Variants in DROSHA observed in about 807,000 individuals in gnomAD.
The protein encoded by DROSHA is ribonuclease 3.
DROSHA carries 56 observed loss-of-function variants against 181.9 expected under a neutral mutation model. The observed-to-expected ratio is 0.31, with a 90% CI of 0.25 to 0.38. The LOEUF is 0.38. Among genes scored for constraint, DROSHA ranks in the 10% least tolerant of loss-of-function variants. The pLI, the probability that DROSHA is intolerant of heterozygous loss-of-function variation, is 1.00. For missense variants in DROSHA, 1,218 were observed against 1,743.5 expected (o/e 0.70, Z 5.37); for synonymous variants, 524 against 591.2 (o/e 0.89, Z 1.65).
intron 18 of DROSHA, among the ~76,000 whole-genome samples, chr5:31,466,925 G>C (rs572584926): frequency 1.3e-5 from 2 of 152,260 alleles, no homozygotes; most frequent in South Asian, 4.1e-4. Flanking sequence ...TGGAAATGAA[G>C]CGAATATGCA....
At chr5:31,404,667 T>G (rs1198919563) in intron 35 of DROSHA, among the ~76,000 whole-genome samples, 3 of 152,172 alleles carry the variant, frequency 2.0e-5, no homozygotes, top group Non-Finnish European at 4.4e-5. Context: ...ACTTAAGCCT[T>G]CAGTTTACAA....
At chr5:31,490,884 T>G (rs932393364) in intron 13 of DROSHA, among the ~76,000 whole-genome samples, 4 of 152,196 alleles carry the variant, frequency 2.6e-5, no homozygotes, top group Non-Finnish European at 5.9e-5. Flanking sequence ...TAGAATAAAG[T>G]TCTCACCGAG....
Position 31,526,767 on chromosome 5 carries a change from G to A in DROSHA, c.166C>T (p.Pro56Ser), listed in dbSNP as rs201445638. Residue 56 changes from proline to serine, a missense_variant, in exon 5 of 36, where the codon CCA becomes TCA. This residue lies in a region of DROSHA where 536 missense variants were observed against 535.4 expected (regional missense o/e 1.00). Coordinates refer to ENST00000344624, the MANE Select transcript of DROSHA (RefSeq NM_001382508.1). ...QPPVQYQYEP[P>S]SAPSTTFSNS... ...GAGAAAGTGGTGGAAGGGGCACTTG[G>A]AGGTTCATATTGATATTGCACAGGA... The A allele has an allele frequency of 3.9e-3, 6,307 of 1,597,290 alleles. 15 individuals are homozygous for A. The highest frequency in any genetic ancestry group is 4.6e-3 in the Non-Finnish European group (5,343 of 1,173,626).
chr5:31,501,683 T>C (rs969839199), intron 11 of DROSHA, among the ~76,000 whole-genome samples: 5 of 152,160 alleles, frequency 3.3e-5, no homozygotes, highest in African/African-American at 1.2e-4. Flanking sequence ...GGCCAGGTGT[T>C]GTAGTTTAGC....
intron 9 of DROSHA, among the ~76,000 whole-genome samples, chr5:31,510,523 CA>C (rs1738548259): frequency 1.3e-5 from 2 of 152,244 alleles, no homozygotes; most frequent in South Asian, 4.1e-4. Context: ...AAGCAATTTC[CA>C]TTCTCAAAGA....
chr5:31,434,677 A>G (rs1744577865), intron 25 of DROSHA, among the ~76,000 whole-genome samples: 1 of 152,252 alleles, frequency 6.6e-6, no homozygotes, highest in African/African-American at 2.4e-5. Flanking sequence ...TCATAAAGCT[A>G]GGATGGGCTT....
At chr5:31,408,673 T>C (rs2149986624) in intron 33 of DROSHA, 1 of 180,564 alleles carries the variant, frequency 5.5e-6, no homozygotes, top group East Asian at 1.5e-4. Context: ...TAATCATACA[T>C]GATCTTCTCA....
intron 17 of DROSHA, among the ~76,000 whole-genome samples, chr5:31,469,951 A>T (rs2150027847): frequency 6.6e-6 from 1 of 152,308 alleles, no homozygotes; most frequent in African/African-American, 2.4e-5. Flanking sequence ...CCATTTTGCA[A>T]TCTTTCAAAG....
In DROSHA at chr5:31,409,556, A is replaced by C. The variant is rs989635681; in HGVS notation, c.3668-224T>G. 1.5e-5 allele frequency: 8 copies of C among 522,688 alleles called. No individual in the cohort carries two copies. The highest frequency in any genetic ancestry group is 3.8e-5 in the African/African-American group (2 of 52,172). 32.4% of individuals were successfully genotyped at this position (522,688 alleles called of 1,614,324 possible). ...TCATAGAGTACAAACACCAAACTGC[A>C]TTTAGCTAAGGGCTAAAGGAATAGC... is the stretch of plus-strand genomic sequence containing the variant. On this transcript the variant is annotated intron_variant, in intron 31 of 35. Coordinates refer to ENST00000344624, the MANE Select transcript of DROSHA (RefSeq NM_001382508.1). The surrounding 1 kb of genome is among the most constrained non-coding windows in gnomAD (Gnocchi z 4.0).
chr5:31,482,390 T>C (rs748983972), intron 16 of DROSHA, among the ~76,000 whole-genome samples: 18 of 151,830 alleles, frequency 1.2e-4, no homozygotes, highest in Non-Finnish European at 2.5e-4. Flanking sequence ...CAAAGGAAAG[T>C]AGCCATACAT....
chr5:31,526,030 G>A (rs570593766), intron 5 of DROSHA, 49 bp downstream of exon 5: 33 of 1,481,838 alleles, frequency 2.2e-5, no homozygotes, highest in African/African-American at 1.7e-4. Context: ...GAGAATGACC[G>A]TGCCTGGGCC....
At chr5:31,464,030 A>G in intron 20 of DROSHA, 1 of 572,790 alleles carries the variant, frequency 1.7e-6, no homozygotes, top group Non-Finnish European at 3.1e-6. Context: ...CAGCACCCAC[A>G]AATACAACAT....
chr5:31,452,059 A>G (rs1747099934), intron 20 of DROSHA, among the ~76,000 whole-genome samples: 1 of 152,230 alleles, frequency 6.6e-6, no homozygotes, highest in South Asian at 2.1e-4. Context: ...TGGTTCTATC[A>G]GTATTCAGCA....
chr5:31,487,596 T>G (rs1031469177), intron 13 of DROSHA, among the ~76,000 whole-genome samples: 4 of 152,240 alleles, frequency 2.6e-5, no homozygotes, highest in African/African-American at 9.6e-5. Context: ...AAGATGATTT[T>G]ATACAGATGT....
intron 17 of DROSHA, among the ~76,000 whole-genome samples, chr5:31,469,394 T>G (rs1218958177): frequency 6.6e-6 from 1 of 152,066 alleles, no homozygotes; most frequent in Non-Finnish European, 1.5e-5. Flanking sequence ...CCCCTCAAAC[T>G]TTTTAAGTGT....
intron 11 of DROSHA, among the ~76,000 whole-genome samples, chr5:31,497,524 TG>T (rs1753133667): frequency 6.6e-6 from 1 of 152,234 alleles, no homozygotes. Context: ...TTTTGGCATG[TG>T]CCTGGTGGCA....
chr5:31,457,576 T>C (rs1328082592), intron 20 of DROSHA, among the ~76,000 whole-genome samples: 4 of 152,028 alleles, frequency 2.6e-5, no homozygotes, highest in African/African-American at 7.2e-5. Flanking sequence ...TACATAATTA[T>C]AAAACAATCT....
Position 31,526,708 on chromosome 5 carries a change from T to A in DROSHA, c.225A>T (p.Arg75=). 6.5e-7 allele frequency: 1 copy of A among 1,549,492 alleles called. No individual in the cohort carries two copies. Among genetic ancestry groups the A allele is most frequent in the Non-Finnish European group, 8.7e-7 (1 of 1,151,632 alleles). The change falls in exon 5 of 36, where the codon CGA becomes CGT. Residue 75 remains arginine, a synonymous_variant. Transcript: ENST00000344624. ...GTGGGGGGAAGGGTACAAAGTCTGG[T>A]CGTGGAGGGAGAAAATTGGGGGCTG... ...NSPAPNFLPP[R]PDFVPFPPPM...
chr5:31,485,110 C>A, intron 14 of DROSHA, 148 bp from the exon 15 acceptor site: 1 of 551,680 alleles, frequency 1.8e-6, no homozygotes, highest in Non-Finnish European at 3.2e-6. Flanking sequence ...GGCCACTGAT[C>A]GCTAGTTTCA....
Sources: gnomAD v4.1 joint callset for allele counts (sites outside exome capture counted in the v4.1 genomes callset) on GRCh38, gnomAD v4.1.1 for gene constraint, gnomAD v4.1.1 regional missense constraint, Gnocchi (gnomAD v3.1) non-coding constraint, MANE v1.5 for transcripts, NCBI Gene and HGNC (gene_info 2026-07-23, HGNC 2026-07-21) for gene names.